The following TRAT1 variants were observed in gnomAD, a reference collection of about 807,000 sequenced individuals.
The protein encoded by TRAT1 is T cell receptor associated transmembrane adaptor 1, also known as T-cell receptor-associated transmembrane adapter 1.
In TRAT1, 20 loss-of-function variants were observed where a neutral mutation model predicts 20.0. That is an observed-to-expected ratio of 1.00 (90% CI 0.70 to 1.45). The LOEUF (loss-of-function observed/expected upper bound fraction) is 1.45. Among genes scored for constraint, TRAT1 ranks in the 40% most tolerant of loss-of-function variants. The pLI, the probability that TRAT1 is intolerant of heterozygous loss-of-function variation, is 0.00. For synonymous variants in TRAT1, 77 were observed against 74.2 expected (o/e 1.04, Z -0.20); for missense variants, 237 against 224.1 (o/e 1.06, Z -0.37).
At chr3:108,824,112 C>T (rs867666016) in intron 1 of TRAT1, among the ~76,000 whole-genome samples, 1 of 152,126 alleles carries the variant, frequency 6.6e-6, no homozygotes, top group African/African-American at 2.4e-5. Context: ...CCTCATGATC[C>T]GCCCGCCTTG....
chr3:108,847,201 C>A, intron 4 of TRAT1, 72 bp downstream of exon 4: 1 of 919,152 alleles, frequency 1.1e-6, no homozygotes, highest in Non-Finnish European at 1.7e-6. Flanking sequence ...TTAAGTGGCG[C>A]TTTAAAAAAA....
intron 3 of TRAT1, among the ~76,000 whole-genome samples, chr3:108,846,334 T>C (rs1369272083): frequency 6.6e-6 from 1 of 152,212 alleles, no homozygotes; most frequent in Non-Finnish European, 1.5e-5. Context: ...TTATTGCTGA[T>C]AGTTGAGATC....
At chr3:108,838,746 G>A (rs1212011937) in intron 2 of TRAT1, among the ~76,000 whole-genome samples, 188 bp from the exon 3 acceptor site, 5 of 152,068 alleles carry the variant, frequency 3.3e-5, no homozygotes, top group Admixed American at 2.0e-4. Context: ...TTGGTAATTT[G>A]GTAAAAGGCA....
At position 108,854,035 on chromosome 3, in the gene TRAT1, T is replaced by G. The variant is rs537502360; in HGVS notation, c.*158T>G. On this transcript the variant is annotated 3_prime_UTR_variant, in exon 6 of 6. Transcript: ENST00000295756. The stretch of plus-strand genomic sequence containing the variant: ...ACCTCTTATTCACAGCTTACACTTA[T>G]GCATGCCAAATGTAAGGCCATGAAA... 3.2e-6 allele frequency: 2 copies of G among 632,268 alleles called. No individual in the cohort carries two copies. The highest frequency in any genetic ancestry group is 1.8e-5 in the African/African-American group (1 of 55,564). 39.2% of individuals were successfully genotyped at this position (632,268 alleles called of 1,614,324 possible). A position where few individuals can be genotyped will look rare whatever the true frequency, so the allele number is the denominator to read the frequency against.
intron 5 of TRAT1, among the ~76,000 whole-genome samples, chr3:108,850,962 C>G (rs1022209305): frequency 2.0e-5 from 3 of 152,154 alleles, no homozygotes; most frequent in Admixed American, 1.3e-4. Context: ...TCTTTAAAAG[C>G]CTGCTCTTTT....
At chr3:108,848,021 CAA>C (rs372461467) in intron 4 of TRAT1, among the ~76,000 whole-genome samples, 1,867 of 152,258 alleles carry the variant, frequency 0.012, 17 homozygotes, top group Non-Finnish European at 0.019. Flanking sequence ...TCTAAGGAAT[CAA>C]AAATTATTTT....
rs570563901 is a variant in TRAT1, at chr3:108,835,205, A to G, written c.119-3729A>G. ...TACATAGGAGGGTTAACACTCTAAG[A>G]GGAAAAACATAAAAGCAAACATATT... On this transcript the variant is annotated intron_variant, in intron 2 of 5. Transcript: ENST00000295756. Among the ~76,000 whole-genome samples, 3 of 152,316 alleles carry G rather than the reference A, an allele frequency of 2.0e-5. No homozygotes were observed. In the East Asian group the frequency reaches 5.8e-4, roughly 29 times the overall value.
At position 108,854,981 on chromosome 3, in the gene TRAT1, T is replaced by G. The variant is rs1393418714; in HGVS notation, c.*1104T>G. ...ACTTTCCTTATTACTGGTTCTAATT[T>G]GATTATAATATGCCAAGGTATGGTT... On this transcript the variant is annotated 3_prime_UTR_variant, in exon 6 of 6. Transcript: ENST00000295756. 1 of 152,160 alleles carries G rather than the reference T, an allele frequency of 6.6e-6. No homozygotes were observed. Among genetic ancestry groups the G allele is most frequent in the Non-Finnish European group, 1.5e-5 (1 of 67,986 alleles). The allele number at this position is 152,160 out of a possible 1,614,324, so 9.4% of individuals were successfully genotyped here.
intron 1 of TRAT1, among the ~76,000 whole-genome samples, chr3:108,825,504 C>T (rs61547296): frequency 0.11 from 16,096 of 151,964 alleles, 1,381 homozygotes; most frequent in East Asian, 0.52. Context: ...CAATGAAATC[C>T]TTTCTTTTAG....
chr3:108,843,222 C>A (rs1276890176), intron 3 of TRAT1, among the ~76,000 whole-genome samples: 2 of 152,174 alleles, frequency 1.3e-5, no homozygotes, highest in African/African-American at 4.8e-5. Flanking sequence ...CTTTAAAAAA[C>A]CAACCATCTC....
At position 108,822,789 on chromosome 3, in the gene TRAT1, A is replaced by T. The variant is rs1351782313; in HGVS notation, c.-139A>T. ...AACAGAAGAGAAAAGAATCCGAGGC[A>T]CAGATAAAGATAAGTTTTACTGTCA... On this transcript the variant is annotated 5_prime_UTR_variant, in exon 1 of 6. Coordinates refer to ENST00000295756, the MANE Select transcript of TRAT1 (RefSeq NM_016388.4). The T allele has an allele frequency of 2.6e-5, 16 of 611,304 alleles. No individual in the cohort carries two copies. Among genetic ancestry groups the T allele is most frequent in the Non-Finnish European group, 4.1e-5 (14 of 344,900 alleles). 37.9% of individuals were successfully genotyped at this position (611,304 alleles called of 1,614,324 possible). A position where few individuals can be genotyped will look rare whatever the true frequency, so the allele number is the denominator to read the frequency against.
intron 5 of TRAT1, among the ~76,000 whole-genome samples, chr3:108,853,095 A>G (rs1296881905): frequency 3.3e-5 from 5 of 152,236 alleles, no homozygotes; most frequent in Non-Finnish European, 5.9e-5. Context: ...TATTTGCCAG[A>G]TATCTATCAT....
intron 2 of TRAT1, among the ~76,000 whole-genome samples, chr3:108,836,219 GAGTT>G (rs1290590891): frequency 1.3e-5 from 2 of 152,050 alleles, no homozygotes; most frequent in African/African-American, 4.8e-5. Flanking sequence ...TGCCCGGCCA[GAGTT>G]AGTTTTTATG....
At chr3:108,824,936 A>G (rs1185760186) in intron 1 of TRAT1, among the ~76,000 whole-genome samples, 1 of 152,188 alleles carries the variant, frequency 6.6e-6, no homozygotes, top group Non-Finnish European at 1.5e-5. Context: ...ATATGGTAAC[A>G]TTTCCTCCAT....
At chr3:108,849,374 G>T in intron 5 of TRAT1, 120 bp downstream of exon 5, 1 of 736,690 alleles carries the variant, frequency 1.4e-6, no homozygotes, top group Non-Finnish European at 2.2e-6. Flanking sequence ...TCAAGTTCTG[G>T]GACCTGAGCT....
intron 2 of TRAT1, among the ~76,000 whole-genome samples, chr3:108,832,364 T>A (rs1945802376): frequency 6.6e-6 from 1 of 152,236 alleles, no homozygotes; most frequent in South Asian, 2.1e-4. Flanking sequence ...ATCTTTTTCA[T>A]TAGCAATGCT....
At chr3:108,839,778 T>C (rs1945876423) in intron 3 of TRAT1, among the ~76,000 whole-genome samples, 2 of 152,218 alleles carry the variant, frequency 1.3e-5, no homozygotes, top group African/African-American at 4.8e-5. Context: ...TATGCTGTTA[T>C]AGATATCACT....
At chr3:108,845,517 G>A (rs762011886) in intron 3 of TRAT1, among the ~76,000 whole-genome samples, 2 of 152,206 alleles carry the variant, frequency 1.3e-5, no homozygotes, top group Non-Finnish European at 2.9e-5. Flanking sequence ...TGGAAAAAAG[G>A]TTACAGATGA....
chr3:108,847,482 T>C (rs1168530837), intron 4 of TRAT1: 1 of 198,616 alleles, frequency 5.0e-6, no homozygotes, highest in African/African-American at 2.4e-5. Flanking sequence ...TGCTTTGTGC[T>C]CAATATACAA....
Sources: gnomAD v4.1 joint callset for allele counts (sites outside exome capture counted in the v4.1 genomes callset) on GRCh38, gnomAD v4.1.1 for gene constraint, MANE v1.5 for transcripts, NCBI Gene and HGNC (gene_info 2026-07-23, HGNC 2026-07-21) for gene names.